Variants in PCDHA4 observed in about 807,000 individuals in gnomAD.
PCDHA4 encodes the protein protocadherin alpha 4.
PCDHA4 carries 49 observed loss-of-function variants against 61.4 expected under a neutral mutation model. The observed-to-expected ratio is 0.80, with a 90% CI of 0.63 to 1.01. The LOEUF (loss-of-function observed/expected upper bound fraction) is 1.01. Ranked by LOEUF, PCDHA4 falls within the 50% of genes least tolerant of loss-of-function variation. The probability of loss-of-function intolerance (pLI) is 0.00; values close to 1 mark genes in which losing one functional copy is unlikely to be tolerated. For synonymous variants in PCDHA4, 590 were observed against 550.3 expected, an observed-to-expected ratio of 1.07 and a Z score of -1.01; for missense variants, 1,254 against 1,235.8, an observed-to-expected ratio of 1.01 and a Z score of -0.22.
intron 1 of PCDHA4, among the ~76,000 whole-genome samples, chr5:140,934,505 G>C (rs155823): frequency 0.32 from 48,260 of 151,744 alleles, 8,006 homozygotes; most frequent in East Asian, 0.53. Flanking sequence ...ACACCCAAAG[G>C]GTCCATAGAC....
intron 1 of PCDHA4, among the ~76,000 whole-genome samples, chr5:140,922,316 A>T (rs983729529): frequency 6.6e-6 from 1 of 152,248 alleles, no homozygotes; most frequent in Non-Finnish European, 1.5e-5. Flanking sequence ...TTCACTGAAG[A>T]TCTTGGAAAG....
chr5:140,930,257 A>C (rs1412873070), intron 1 of PCDHA4: 1 of 152,218 alleles, frequency 6.6e-6, no homozygotes, highest in Non-Finnish European at 1.5e-5. Flanking sequence ...ACTTGGATTT[A>C]ATTTCTTTTA....
Position 140,965,562 on chromosome 5 carries a change from A to G in PCDHA4, c.2386-13387A>G, listed in dbSNP as rs548302746. 1.9e-4 allele frequency among the ~76,000 whole-genome samples: 29 copies of G among 152,242 alleles called. No homozygotes were observed. In the South Asian group the frequency reaches 6.0e-3, roughly 32 times the overall value. On this transcript the variant is annotated intron_variant, in intron 1 of 3. Coordinates refer to ENST00000530339, the MANE Select transcript of PCDHA4 (RefSeq NM_018907.4). ...AATTCCAGCCTGGCTTAGGAGATCA[A>G]CAGTAACGCTCTTGATTTAATGGTT...
rs782344407 is a variant in PCDHA4 at position 140,928,808 on chromosome 5, G to T, written c.2386-50141G>T. 3.7e-6 allele frequency: 6 copies of T among 1,614,062 alleles called. No homozygotes were observed. In the Admixed American group the frequency reaches 1.0e-4, roughly 27 times the overall value. The stretch of plus-strand genomic sequence containing the variant: ...AAGCAGAGGGTGGTGGTAGTGGTTC[G>T]GGACCATGGAGACCCACCACTTTCC... On this transcript the variant is annotated intron_variant, in intron 1 of 3. Coordinates refer to ENST00000530339, the MANE Select transcript of PCDHA4 (RefSeq NM_018907.4).
At chr5:140,989,410 C>T (rs568177388) in intron 3 of PCDHA4, among the ~76,000 whole-genome samples, 1 of 152,230 alleles carries the variant, frequency 6.6e-6, no homozygotes, top group South Asian at 2.1e-4. Context: ...GGAGAGTCTG[C>T]ACTTCACTCT....
intron 1 of PCDHA4, chr5:140,882,890 C>T (rs2059348397): frequency 6.2e-7 from 1 of 1,614,060 alleles, no homozygotes; most frequent in East Asian, 2.2e-5. Flanking sequence ...AATTCAGGAA[C>T]ATAGTTTATT....
chr5:140,868,252 T>C (rs1186054905), intron 1 of PCDHA4: 1 of 152,134 alleles, frequency 6.6e-6, no homozygotes. Context: ...AGACTTTTCC[T>C]TTGTGGATTC....
chr5:140,884,116 C>T (rs1554181240), intron 1 of PCDHA4: 2 of 1,613,304 alleles, frequency 1.2e-6, no homozygotes, highest in South Asian at 2.2e-5. Context: ...TGGCGGCGGT[C>T]GGCGCGCGCA....
chr5:140,916,561 G>A (rs1038683507), intron 1 of PCDHA4, among the ~76,000 whole-genome samples: 9 of 152,180 alleles, frequency 5.9e-5, no homozygotes, highest in African/African-American at 2.2e-4. Context: ...TTTGTCCAGG[G>A]TGTGTCTAGA....
chr5:140,935,318 T>A (rs1554210460), intron 1 of PCDHA4, among the ~76,000 whole-genome samples: 1 of 152,194 alleles, frequency 6.6e-6, no homozygotes, highest in African/African-American at 2.4e-5. Flanking sequence ...TTCATCAATC[T>A]TACATTCCTA....
intron 1 of PCDHA4, among the ~76,000 whole-genome samples, chr5:140,915,901 G>A (rs1339531688): frequency 1.3e-5 from 2 of 152,250 alleles, no homozygotes; most frequent in East Asian, 1.9e-4. Flanking sequence ...CCTGGCCCTG[G>A]GCAGGCCCAG....
At chr5:140,961,479 C>G (rs2095615905) in intron 1 of PCDHA4, among the ~76,000 whole-genome samples, 1 of 152,108 alleles carries the variant, frequency 6.6e-6, no homozygotes, top group Non-Finnish European at 1.5e-5. Context: ...TTTGTCTTGT[C>G]CACGTGAGTA....
chr5:140,809,935 T>G (rs1764570096), intron 1 of PCDHA4: 1 of 166,918 alleles, frequency 6.0e-6, no homozygotes, highest in Non-Finnish European at 1.3e-5. Context: ...ATAAATTGTA[T>G]GAAAGTGAAA....
Position 140,842,759 on chromosome 5 carries a change from C to T in PCDHA4, c.2385+33187C>T, listed in dbSNP as rs1270005538. 3 of 1,594,688 alleles carry T rather than the reference C, an allele frequency of 1.9e-6. No homozygotes were observed. The East Asian group carries it at 6.7e-5, about 36-fold the overall frequency. ...CTGCCACATCTTCACGGTGTCTGCG[C>T]GAGACGCGGACGCGCAGGAGAACGC... is the stretch of plus-strand genomic sequence containing the variant. On this transcript the variant is annotated intron_variant, in intron 1 of 3. Coordinates refer to ENST00000530339, the MANE Select transcript of PCDHA4 (RefSeq NM_018907.4).
chr5:140,840,414 T>C (rs1377292591), intron 1 of PCDHA4, among the ~76,000 whole-genome samples: 1 of 151,872 alleles, frequency 6.6e-6, no homozygotes, highest in Non-Finnish European at 1.5e-5. Flanking sequence ...ATACTTCAAA[T>C]AATAGGCTAG....
chr5:140,886,189 G>A (rs2060889525), intron 1 of PCDHA4, among the ~76,000 whole-genome samples: 1 of 152,090 alleles, frequency 6.6e-6, no homozygotes. Context: ...ATGCTGGCAA[G>A]CAGTAATCTG....
At chr5:140,900,058 C>G (rs1013599044) in intron 1 of PCDHA4, among the ~76,000 whole-genome samples, 1 of 152,160 alleles carries the variant, frequency 6.6e-6, no homozygotes, top group Non-Finnish European at 1.5e-5. Flanking sequence ...GATCCTTTAA[C>G]CTCAGCCTCC....
chr5:140,981,026 A>T (rs1300851844), intron 2 of PCDHA4, among the ~76,000 whole-genome samples: 3 of 152,088 alleles, frequency 2.0e-5, no homozygotes, highest in Admixed American at 6.5e-5. Flanking sequence ...GGCTGTTAAT[A>T]TTTGGGGAAA....
chr5:140,918,210 A>T (rs2078574076), intron 1 of PCDHA4, among the ~76,000 whole-genome samples: 1 of 152,152 alleles, frequency 6.6e-6, no homozygotes, highest in Non-Finnish European at 1.5e-5. Context: ...TTGTTGGTGT[A>T]CAGAAATGCT....
Sources: gnomAD v4.1 joint callset for allele counts (sites outside exome capture counted in the v4.1 genomes callset) on GRCh38, gnomAD v4.1.1 for gene constraint, MANE v1.5 for transcripts, NCBI Gene and HGNC (gene_info 2026-07-23, HGNC 2026-07-21) for gene names.